RBFOX1: variants seen among roughly 807,000 people sequenced by gnomAD.
The protein encoded by RBFOX1 is RNA binding protein fox-1 homolog 1.
RBFOX1 carries 8 observed loss-of-function variants against 57.7 expected under a neutral mutation model. The ratio of observed to expected loss-of-function variants is 0.14; its 90% CI spans 0.08 to 0.25. RBFOX1 has a LOEUF of 0.25. RBFOX1 is among the 10% of genes least tolerant of loss of function. The probability of loss-of-function intolerance (pLI) is 1.00; values close to 1 mark genes in which losing one functional copy is unlikely to be tolerated. For synonymous variants in RBFOX1, 326 were observed against 222.4 expected, an observed-to-expected ratio of 1.47 and a Z score of -4.15; for missense variants, 611 against 548.5, an observed-to-expected ratio of 1.11 and a Z score of -1.14.
In RBFOX1 at chr16:6,637,236, A is replaced by G. The variant is rs188447076; in HGVS notation, c.-63-17367A>G. Among the ~76,000 whole-genome samples the G allele has an allele frequency of 5.0e-4, 29 of 58,232 alleles. 2 individuals carry two copies. Among genetic ancestry groups the G allele is most frequent in the African/African-American group, 1.5e-3 (16 of 10,450 alleles). 38.2% of individuals were successfully genotyped at this position (58,232 alleles called of 152,430 possible). ...TATTATATAATATACAATATATATT[A>G]TATATTATATATATTATATAATATA... On this transcript the variant is annotated intron_variant, in intron 2 of 15. Coordinates refer to ENST00000550418, the MANE Select transcript of RBFOX1 (RefSeq NM_018723.4).
chr16:5,450,609 T>C (rs2068393537), intron 1 of RBFOX1, among the ~76,000 whole-genome samples: 1 of 152,186 alleles, frequency 6.6e-6, no homozygotes, highest in Non-Finnish European at 1.5e-5. Flanking sequence ...TTTATGCAAA[T>C]GGCTCCACAG....
chr16:6,770,431 C>T (rs1473298248), intron 3 of RBFOX1, among the ~76,000 whole-genome samples: 1 of 152,182 alleles, frequency 6.6e-6, no homozygotes, highest in Non-Finnish European at 1.5e-5. Flanking sequence ...TATGTATACC[C>T]AGCTGCACCT....
In RBFOX1 at chr16:6,597,807, T is replaced by C. The variant is rs1330016628; in HGVS notation, c.-63-56796T>C. 2.0e-5 allele frequency among the ~76,000 whole-genome samples: 3 copies of C among 152,232 alleles called. No individual in the cohort carries two copies. In the East Asian group the frequency reaches 5.8e-4, roughly 29 times the overall value. On this transcript the variant is annotated intron_variant, in intron 2 of 15. Transcript: ENST00000550418. Reference sequence around the variant, plus strand: ...AGCCACATAAGCAGCCACCTTTTTCTGCACTGACAGTTACCTGTGCCTTGC... The same window carrying C: ...AGCCACATAAGCAGCCACCTTTTTCCGCACTGACAGTTACCTGTGCCTTGC...
rs576746056 is a variant in RBFOX1 at position 5,827,502 on chromosome 16, C to T, written c.319-39801C>T. ...GACAACTCTCTATGCACCCCGAGAA[C>T]TCCCTCCCTCTACATCAAGACTCCG... On this transcript the variant is annotated intron_variant, in intron 3 of 19. Coordinates refer to the RBFOX1 transcript ENST00000641259. Among the ~76,000 whole-genome samples, 331 of 151,890 alleles carry T rather than the reference C, an allele frequency of 2.2e-3. 1 individual carries two copies. The highest frequency in any genetic ancestry group is 7.5e-3 in the African/African-American group (311 of 41,418).
At chr16:6,735,294 C>T (rs1203274980) in intron 3 of RBFOX1, among the ~76,000 whole-genome samples, 1 of 152,160 alleles carries the variant, frequency 6.6e-6, no homozygotes, top group Non-Finnish European at 1.5e-5. Context: ...AGCCACTCAC[C>T]AGTGGGTTCA....
chr16:5,976,768 C>T (rs115760855), intron 4 of RBFOX1, among the ~76,000 whole-genome samples: 4,359 of 152,214 alleles, frequency 0.029, 213 homozygotes, highest in African/African-American at 0.1. Flanking sequence ...ACTTGGGGGG[C>T]TTAGCCAGGA....
chr16:6,198,031 T>C (rs893225649), intron 1 of RBFOX1, among the ~76,000 whole-genome samples: 12 of 152,360 alleles, frequency 7.9e-5, no homozygotes, highest in African/African-American at 2.9e-4. Flanking sequence ...ATCTCTTTCA[T>C]AATAATGGCA....
chr16:7,013,130 G>A (rs1426047753), intron 3 of RBFOX1, among the ~76,000 whole-genome samples: 2 of 152,146 alleles, frequency 1.3e-5, no homozygotes, highest in African/African-American at 2.4e-5. Context: ...TTTAGACTGA[G>A]GGTTAGGGAT....
intron 1 of RBFOX1, among the ~76,000 whole-genome samples, chr16:6,107,783 G>A (rs1006732606): frequency 1.3e-5 from 2 of 151,810 alleles, no homozygotes; most frequent in Non-Finnish European, 2.9e-5. Context: ...ATGGATGGAT[G>A]GGTGGATGAA....
At chr16:6,909,367 G>A (rs546802614) in intron 3 of RBFOX1, among the ~76,000 whole-genome samples, 3 of 152,146 alleles carry the variant, frequency 2.0e-5, no homozygotes, top group Non-Finnish European at 4.4e-5. Flanking sequence ...GGGTCCACCT[G>A]GATAATCCTG....
At chr16:6,705,671 C>T (rs2062608706) in intron 3 of RBFOX1, 2 of 152,138 alleles carry the variant, frequency 1.3e-5, no homozygotes, top group Admixed American at 6.5e-5. Flanking sequence ...ACAACAACAA[C>T]AAAGCCACTG....
At chr16:6,508,571 C>T (rs2096172932) in intron 2 of RBFOX1, among the ~76,000 whole-genome samples, 2 of 152,078 alleles carry the variant, frequency 1.3e-5, no homozygotes, top group Admixed American at 1.3e-4. Flanking sequence ...TATAAGGTCC[C>T]GTAACATCTC....
intron 2 of RBFOX1, among the ~76,000 whole-genome samples, chr16:6,497,766 A>T (rs556725067): frequency 6.6e-6 from 1 of 152,084 alleles, no homozygotes; most frequent in Admixed American, 6.5e-5. Flanking sequence ...CATATTAGCC[A>T]GGCTGACCTC....
intron 4 of RBFOX1, among the ~76,000 whole-genome samples, chr16:7,294,452 G>T (rs2095852274): frequency 6.6e-6 from 1 of 151,572 alleles, no homozygotes; most frequent in African/African-American, 2.4e-5. Context: ...ATGTCAGTTG[G>T]CTGCTCTGAT....
chr16:5,311,744 G>T (rs9925925), intron 1 of RBFOX1, among the ~76,000 whole-genome samples: 152,080 of 152,318 alleles, frequency 1, 75,921 homozygotes, highest in Non-Finnish European at 1. Flanking sequence ...TCGATGGGAT[G>T]ATGTCTTTTT....
intron 3 of RBFOX1, among the ~76,000 whole-genome samples, chr16:6,796,622 TTCTC>T (rs760489645): frequency 7.8e-4 from 119 of 152,192 alleles, no homozygotes; most frequent in Non-Finnish European, 1.5e-3. Flanking sequence ...CAAAGGAACT[TTCTC>T]TCTGTCTCTT....
rs78545454 is a variant in RBFOX1, at chr16:5,753,847, A to T, written c.319-113456A>T. 6.4e-4 allele frequency among the ~76,000 whole-genome samples: 97 copies of T among 151,634 alleles called. 2 individuals carry two copies. In the East Asian group the frequency reaches 0.018, roughly 29 times the overall value. ...GTAGAGAGCTGTGTTGAGGATATAG[A>T]GTTTTCATTGAAAAAAAAAAACACA... On this transcript the variant is annotated intron_variant, in intron 3 of 19. Transcript: ENST00000641259.
intron 4 of RBFOX1, among the ~76,000 whole-genome samples, chr16:7,336,145 C>A (rs923595508): frequency 6.6e-6 from 1 of 152,172 alleles, no homozygotes; most frequent in Non-Finnish European, 1.5e-5. Context: ...AACACAGGAG[C>A]CTCAGTCACT....
chr16:7,314,738 C>A (rs1603618975), intron 4 of RBFOX1, among the ~76,000 whole-genome samples: 1 of 152,224 alleles, frequency 6.6e-6, no homozygotes, highest in East Asian at 1.9e-4. Flanking sequence ...AAACAACAGG[C>A]AGGGGAGAGG....
Sources: gnomAD v4.1 joint callset for allele counts (sites outside exome capture counted in the v4.1 genomes callset) on GRCh38, gnomAD v4.1.1 for gene constraint, MANE v1.5 for transcripts, NCBI Gene and HGNC (gene_info 2026-07-23, HGNC 2026-07-21) for gene names.